FRAS1: variants seen among roughly 807,000 people sequenced by gnomAD.
The protein encoded by FRAS1 is Fraser extracellular matrix complex subunit 1.
A neutral mutation model predicts 435.2 loss-of-function variants in FRAS1; 290 were observed. The ratio of observed to expected loss-of-function variants is 0.67; its 90% CI spans 0.61 to 0.73. The LOEUF (loss-of-function observed/expected upper bound fraction) is 0.73, where lower values mean the gene tolerates loss of function less well. FRAS1 is among the 30% of genes least tolerant of loss of function. FRAS1 has a pLI of 0.00. For missense variants in FRAS1, 4,860 were observed against 5,001.5 expected, an observed-to-expected ratio of 0.97 and a Z score of 0.85; for synonymous variants, 1,800 against 1,851.0, an observed-to-expected ratio of 0.97 and a Z score of 0.71.
intron 2 of FRAS1, among the ~76,000 whole-genome samples, chr4:78,112,134 G>A (rs1742760102): frequency 6.6e-6 from 1 of 151,898 alleles, no homozygotes; most frequent in Non-Finnish European, 1.5e-5. Context: ...CTAAATTTTA[G>A]ATAAGAATTC....
chr4:78,363,902 C>T lies in FRAS1; in HGVS notation c.2576-6C>T. 1 of 1,604,878 alleles carries T rather than the reference C, an allele frequency of 6.2e-7. No homozygotes were observed. The highest frequency in any genetic ancestry group is 2.2e-5 in the East Asian group (1 of 44,774). On this transcript the variant is annotated splice_polypyrimidine_tract_variant and splice_region_variant and intron_variant, in intron 21 of 73. Transcript: ENST00000512123. ...GGTTTCTGTTGTGTCTCTTTTTCCT[C>T]TGCAGAATGCCACTCCTCCTGCAGA...
At chr4:78,280,736 A>T (rs1247459844) in intron 10 of FRAS1, among the ~76,000 whole-genome samples, 1 of 152,174 alleles carries the variant, frequency 6.6e-6, no homozygotes, top group Non-Finnish European at 1.5e-5. Flanking sequence ...AAGTTACTTA[A>T]TCCTCAGTGT....
intron 70 of FRAS1, among the ~76,000 whole-genome samples, chr4:78,531,555 G>C (rs116503590): frequency 0.14 from 21,219 of 152,178 alleles, 1,779 homozygotes; most frequent in Non-Finnish European, 0.2. Context: ...ATAAAGGGCT[G>C]TTGTATTTTA....
chr4:78,183,478 A>G (rs1276449792), intron 2 of FRAS1, among the ~76,000 whole-genome samples: 1 of 152,210 alleles, frequency 6.6e-6, no homozygotes, highest in East Asian at 1.9e-4. Context: ...AGCCCTGCTC[A>G]GGAATGTGCT....
intron 2 of FRAS1, among the ~76,000 whole-genome samples, chr4:78,120,505 T>A (rs1718948456): frequency 6.6e-6 from 1 of 152,162 alleles, no homozygotes; most frequent in Non-Finnish European, 1.5e-5. Flanking sequence ...GAATAAGAAG[T>A]TGTAAGGAGG....
In FRAS1 at chr4:78,089,954, T is replaced by A. The variant is rs1741425950; in HGVS notation, c.108+23938T>A. 2.0e-5 allele frequency among the ~76,000 whole-genome samples: 3 copies of A among 152,266 alleles called. No individual in the cohort carries two copies. The South Asian group carries it at 6.2e-4, about 32-fold the overall frequency. Reference sequence around the variant, plus strand: ...GGCTCCAGTGTCTGTTGTTCCCTTCTTTGTGGCCATGAGTTCTCATGGTTT... The same window carrying A: ...GGCTCCAGTGTCTGTTGTTCCCTTCATTGTGGCCATGAGTTCTCATGGTTT... On this transcript the variant is annotated intron_variant, in intron 2 of 73. Coordinates refer to ENST00000512123, the MANE Select transcript of FRAS1 (RefSeq NM_025074.7).
chr4:78,282,036 CATTA>C (rs985028122), intron 11 of FRAS1, among the ~76,000 whole-genome samples: 7 of 152,332 alleles, frequency 4.6e-5, no homozygotes, highest in African/African-American at 1.4e-4. Context: ...AATACCGTCA[CATTA>C]ATTGTTTGAA....
intron 38 of FRAS1, among the ~76,000 whole-genome samples, chr4:78,435,198 TG>T (rs1734368263): frequency 6.6e-6 from 1 of 152,134 alleles, no homozygotes; most frequent in Non-Finnish European, 1.5e-5. Flanking sequence ...GAGGCTGCAG[TG>T]AGCCTTGATT....
rs200888127 is a variant in FRAS1, at chr4:78,371,094, T to TG, written c.2869+1110_2869+1111insG. On this transcript the variant is annotated intron_variant, in intron 23 of 73. Coordinates refer to ENST00000512123, the MANE Select transcript of FRAS1 (RefSeq NM_025074.7). The stretch of plus-strand genomic sequence containing the variant: ...AGAATTTTTTTTCTGTTTTTTTGTT[T>TG]TTTTTTTTTTTTGCCTTCTAACCAG... Among the ~76,000 whole-genome samples, 52 of 150,108 alleles carry TG rather than the reference T, an allele frequency of 3.5e-4. 1 individual carries two copies. Among genetic ancestry groups the TG allele is most frequent in the Admixed American group, 1.6e-3 (24 of 15,108 alleles).
At chr4:78,522,184 T>C (rs1260397544) in intron 68 of FRAS1, among the ~76,000 whole-genome samples, 1 of 152,216 alleles carries the variant, frequency 6.6e-6, no homozygotes, top group Admixed American at 6.5e-5. Context: ...ATTTACCCTT[T>C]TAATGATGTT....
chr4:78,275,085 T>A (rs1216627152), intron 9 of FRAS1, among the ~76,000 whole-genome samples: 2 of 144,782 alleles, frequency 1.4e-5, no homozygotes, highest in African/African-American at 5.8e-5. Context: ...TCTTTGTCTC[T>A]TTTTAATCTT....
At chr4:78,469,864 C>G (rs1719648443) in intron 50 of FRAS1, 114 bp from the exon 51 acceptor site, 1 of 769,374 alleles carries the variant, frequency 1.3e-6, no homozygotes, top group Non-Finnish European at 2.3e-6. Context: ...AGTTGCCCAT[C>G]CCTCATCTCT....
At chr4:78,210,882 A>T (rs896412451) in intron 2 of FRAS1, among the ~76,000 whole-genome samples, 8 of 152,160 alleles carry the variant, frequency 5.3e-5, no homozygotes, top group African/African-American at 1.9e-4. Flanking sequence ...GCAGTAAGCT[A>T]CTTTCTTCCT....
At chr4:78,145,642 T>A (rs900620539) in intron 2 of FRAS1, among the ~76,000 whole-genome samples, 14 of 152,152 alleles carry the variant, frequency 9.2e-5, no homozygotes, top group African/African-American at 3.4e-4. Flanking sequence ...ATAAAATACT[T>A]TCAAGTTTAC....
chr4:78,154,962 G>T (rs1001930955), intron 2 of FRAS1, among the ~76,000 whole-genome samples: 3 of 152,208 alleles, frequency 2.0e-5, no homozygotes, highest in Non-Finnish European at 4.4e-5. Flanking sequence ...AATAGAGGCA[G>T]TGGAGTAGCA....
chr4:78,363,433 T>C, intron 20 of FRAS1, 80 bp from the exon 21 acceptor site: 1 of 1,383,156 alleles, frequency 7.2e-7, no homozygotes, highest in Non-Finnish European at 9.8e-7. Flanking sequence ...AATTGAAATC[T>C]CTTCTGCCCT....
Position 78,519,350 on chromosome 4 carries a change from CCTT to C in FRAS1, c.10413_10415del (p.Phe3471del). The C allele has an allele frequency of 6.4e-7, 1 of 1,570,010 alleles. No individual in the cohort carries two copies. The highest frequency in any genetic ancestry group is 8.6e-7 in the Non-Finnish European group (1 of 1,163,336). ...CGGCAGGTGAGGGACTCTGCCCAGT[CCTT>C]CTTGACAGTGCACGTGCCTCTATAT... On this transcript the variant is annotated inframe_deletion, in exon 67 of 74. Transcript: ENST00000512123.
intron 2 of FRAS1, among the ~76,000 whole-genome samples, chr4:78,157,969 TAA>T (rs1417049236): frequency 6.6e-6 from 1 of 152,194 alleles, no homozygotes; most frequent in African/African-American, 2.4e-5. Context: ...TTGTTGAATA[TAA>T]GTTGGTTTTG....
chr4:78,542,512 A>G lies in FRAS1; in HGVS notation c.*1388A>G, dbSNP rs1462276510. 6.5e-6 allele frequency: 1 copy of G among 152,688 alleles called. No homozygotes were observed. Among genetic ancestry groups the G allele is most frequent in the Non-Finnish European group, 1.5e-5 (1 of 68,046 alleles). The allele number at this position is 152,688 out of a possible 1,614,324, so 9.5% of individuals were successfully genotyped here. A position where few individuals can be genotyped will look rare whatever the true frequency, so the allele number is the denominator to read the frequency against. ...CCTCTTCTGATGCATGGCACACCAT[A>G]GTCACCAAGCAAATAACAGAGCCTT... On this transcript the variant is annotated 3_prime_UTR_variant, in exon 74 of 74. Transcript: ENST00000512123.
Sources: allele counts gnomAD v4.1 joint callset (sites outside exome capture counted in the v4.1 genomes callset), GRCh38; gene constraint gnomAD v4.1.1; transcripts MANE v1.5; gene names NCBI Gene and HGNC (gene_info 2026-07-23, HGNC 2026-07-21).